The following UTP14C variants were observed in gnomAD, a reference collection of about 807,000 sequenced individuals.
UTP14C encodes UTP14C small subunit processome component, also known as U3 small nucleolar RNA-associated protein 14 homolog C.
UTP14C carries 10 observed loss-of-function variants against 14.6 expected under a neutral mutation model. The ratio of observed to expected loss-of-function variants is 0.68; its 90% CI spans 0.42 to 1.16. The LOEUF is 1.16. Ranked by LOEUF, UTP14C falls within the 50% of genes most tolerant of loss-of-function variation. The pLI, the probability that UTP14C is intolerant of heterozygous loss-of-function variation, is 0.00. For synonymous variants in UTP14C, 315 were observed against 331.6 expected, an observed-to-expected ratio of 0.95 and a Z score of 0.54; for missense variants, 818 against 890.8, an observed-to-expected ratio of 0.92 and a Z score of 1.04.
At chr13:52,026,238 G>A (rs970376670) in intron 1 of UTP14C, among the ~76,000 whole-genome samples, 11 of 152,228 alleles carry the variant, frequency 7.2e-5, no homozygotes, top group Non-Finnish European at 1.6e-4. Flanking sequence ...ATAGAGGTTA[G>A]CCAGGAGAGA....
At chr13:52,026,095 G>A (rs1954237802) in intron 1 of UTP14C, among the ~76,000 whole-genome samples, 1 of 152,240 alleles carries the variant, frequency 6.6e-6, no homozygotes, top group Non-Finnish European at 1.5e-5. Context: ...GCCGTGCTGT[G>A]CCGTGTGCCA....
In UTP14C at chr13:52,029,291, GAGC is replaced by G; in HGVS notation, c.491_493del (p.Gln164del). On this transcript the variant is annotated inframe_deletion, in exon 2 of 2. Transcript: ENST00000521776. ...GCAGCTGGTTTTTCCCCTGGGGAAG[GAGC>G]AGCCAGCCATTGCTCCCATTGAACA... 2 of 1,614,186 alleles carry G rather than the reference GAGC, an allele frequency of 1.2e-6. No homozygotes were observed. Among genetic ancestry groups the G allele is most frequent in the Non-Finnish European group, 1.7e-6 (2 of 1,180,042 alleles).
rs760414709 is a variant in UTP14C, at chr13:52,030,146, G to C, written c.1342G>C (p.Asp448His). The change falls in exon 2 of 2, where the codon GAT (aspartate) becomes CAT (histidine). Residue 448 changes from aspartate to histidine, a missense_variant. By Grantham distance (81) the Asp-to-His change is moderately conservative. Transcript: ENST00000521776. ...AEPASSQETK[D>H]SSSQEVLSEL... ...GCCAGCAAGCAGTCAAGAAACAAAA[G>C]ATTCTAGCAGCCAGGAGGTGCTGTC... The C allele has an allele frequency of 1.2e-6, 2 of 1,614,092 alleles. No individual in the cohort carries two copies.
At position 52,030,133 on chromosome 13, in the gene UTP14C, T is replaced by G; in HGVS notation, c.1329T>G (p.Ser443Arg). 1 of 1,614,134 alleles carries G rather than the reference T, an allele frequency of 6.2e-7. No individual in the cohort carries two copies. Among genetic ancestry groups the G allele is most frequent in the Non-Finnish European group, 8.5e-7 (1 of 1,180,028 alleles). ...ACCAGGATGCTGAGCCAGCAAGCAG[T>G]CAAGAAACAAAAGATTCTAGCAGCC... ...ELNQDAEPAS[S>R]QETKDSSSQE... is the part of the protein sequence containing the mutation. Residue 443 changes from serine (S) to arginine (R), a missense_variant, in exon 2 of 2, where the codon AGT (serine) becomes AGG (arginine). Coordinates refer to ENST00000521776, the MANE Select transcript of UTP14C (RefSeq NM_021645.6).
In UTP14C at chr13:52,029,674, G is replaced by T. The variant is rs779303076; in HGVS notation, c.870G>T (p.Met290Ile). 39 of 1,614,116 alleles carry T rather than the reference G, an allele frequency of 2.4e-5. No individual in the cohort carries two copies. The highest frequency in any genetic ancestry group is 3.1e-5 in the Non-Finnish European group (37 of 1,180,050). Reference sequence around the variant, plus strand: ...TGGAAAAAATTGAAAATGCCAGAATGATGGAAAGAATGAGCCTTAAGCACC... The same window carrying T: ...TGGAAAAAATTGAAAATGCCAGAATTATGGAAAGAATGAGCCTTAAGCACC... The part of the protein sequence containing the change: ...EEMEKIENAR[M>I]MERMSLKHQN... The change falls in exon 2 of 2, where the codon ATG becomes ATT. Residue 290 changes from methionine to isoleucine, a missense_variant. By Grantham distance (10) the Met-to-Ile change is conservative (BLOSUM62 1). Transcript: ENST00000521776.
At position 52,029,196 on chromosome 13, in the gene UTP14C, TA is replaced by T; in HGVS notation, c.393del (p.Ala132HisfsTer17). On this transcript the variant is annotated frameshift_variant, in exon 2 of 2. Transcript: ENST00000521776. LOFTEE classifies it low-confidence loss of function (END_TRUNC). ...KEKIEQIHRE[V>X]AFSKTSQVLS... is the part of the protein sequence containing the mutation. ...AAAATTGAACAGATCCACAGAGAAG[TA>T]GCATTCAGTAAAACCTCACAGGTCC... The T allele has an allele frequency of 3.1e-6, 5 of 1,614,036 alleles. No homozygotes were observed. Among genetic ancestry groups the T allele is most frequent in the Non-Finnish European group, 4.2e-6 (5 of 1,180,018 alleles).
In UTP14C at chr13:52,033,007, GAA is replaced by G. The variant is rs1019757182; in HGVS notation, c.*1906_*1907del. On this transcript the variant is annotated 3_prime_UTR_variant, in exon 2 of 2. Transcript: ENST00000521776. ...TATTCCTGAGGATGTAGTGAAGGAA[GAA>G]AAAGTTTTCTGGAATTCCGTAAATT... is the stretch of plus-strand genomic sequence containing the variant. 1.2e-5 allele frequency: 2 copies of G among 167,014 alleles called. No homozygotes were observed. The highest frequency in any genetic ancestry group is 4.8e-5 in the African/African-American group (2 of 41,428). The allele number at this position is 167,014 out of a possible 1,614,324, so 10.3% of individuals were successfully genotyped here.
chr13:52,029,466 T>C lies in UTP14C; in HGVS notation c.662T>C (p.Met221Thr), dbSNP rs780096946. 2 of 1,614,160 alleles carry C rather than the reference T, an allele frequency of 1.2e-6. No individual in the cohort carries two copies. Among genetic ancestry groups the C allele is most frequent in the South Asian group, 1.1e-5 (1 of 91,082 alleles). Residue 221 changes from methionine to threonine, a missense_variant, in exon 2 of 2, where the codon ATG becomes ACG. Transcript: ENST00000521776. ...GCCATGAGCCTGGAAGAGGCAAAGA[T>C]GCACCGAGCAGAGCTTCAGAGGGCT... ...LQAMSLEEAKMHRAELQRARA... is the reference protein window; with the variant it reads ...LQAMSLEEAKTHRAELQRARA...
Position 52,029,832 on chromosome 13 carries a change from A to G in UTP14C, c.1028A>G (p.Glu343Gly), listed in dbSNP as rs764376673. Reference protein sequence around the residue: ...TQKLQVASESEEEEGGTEVEE... With the variant: ...TQKLQVASESGEEEGGTEVEE... ...AAACTCCAGGTAGCCTCTGAGAGTGAGGAAGAGGAGGGAGGCACAGAAGTG... is the reference window on the plus strand; with the variant it reads ...AAACTCCAGGTAGCCTCTGAGAGTGGGGAAGAGGAGGGAGGCACAGAAGTG... Residue 343 changes from glutamate (E) to glycine (G), a missense_variant, in exon 2 of 2, where the codon GAG becomes GGG. Physicochemically the swap from Glu to Gly is moderately conservative, Grantham distance 98. Transcript: ENST00000521776. The G allele has an allele frequency of 9.3e-6, 15 of 1,614,102 alleles. No homozygotes were observed. The Admixed American group carries it at 2.3e-4, about 25-fold the overall frequency.
In UTP14C at chr13:52,031,091, G is replaced by T. The variant is rs1232564995; in HGVS notation, c.2287G>T (p.Glu763Ter). ...PKRITTRHNKEEKL is the reference protein window; with the variant it reads ...PKRITTRHNK Reference sequence around the variant, plus strand: ...ACGAATCACCACACGTCACAATAAAGAAGAAAAACTGTAGGTTGTGTAGCT... The same window carrying T: ...ACGAATCACCACACGTCACAATAAATAAGAAAAACTGTAGGTTGTGTAGCT... The change falls in exon 2 of 2, where the codon GAA (glutamate) becomes TAA (stop). Residue 763 changes from glutamate to a stop codon, truncating the protein, a stop_gained. Transcript: ENST00000521776. LOFTEE classifies it high-confidence loss of function. 6.2e-7 allele frequency: 1 copy of T among 1,610,154 alleles called. No homozygotes were observed. Among genetic ancestry groups the T allele is most frequent in the South Asian group, 1.1e-5 (1 of 90,722 alleles).
Position 52,028,868 on chromosome 13 carries a change from C to T in UTP14C, c.64C>T (p.Pro22Ser), listed in dbSNP as rs906241379. Residue 22 changes from proline to serine, a missense_variant, in exon 2 of 2, where the codon CCA (proline) becomes TCA (serine). Transcript: ENST00000521776. ...CCACCAGGAAGAACTAGTGGATTTGCCAAAAAACTACCCCTTGAGTGAAAA... is the reference window on the plus strand; with the variant it reads ...CCACCAGGAAGAACTAGTGGATTTGTCAAAAAACTACCCCTTGAGTGAAAA... ...LSHQEELVDLPKNYPLSENED... is the reference protein window; with the variant it reads ...LSHQEELVDLSKNYPLSENED... 1.9e-6 allele frequency: 3 copies of T among 1,614,004 alleles called. No homozygotes were observed. Among genetic ancestry groups the T allele is most frequent in the Non-Finnish European group, 8.5e-7 (1 of 1,180,026 alleles).
Position 52,029,081 on chromosome 13 carries a change from G to A in UTP14C, c.277G>A (p.Val93Ile), listed in dbSNP as rs545278962. 2.7e-4 allele frequency: 440 copies of A among 1,614,238 alleles called. 1 individual carries two copies. In the South Asian group the frequency reaches 4.0e-3, roughly 15 times the overall value. Residue 93 changes from valine (V) to isoleucine (I), a missense_variant, in exon 2 of 2, where the codon GTT (valine) becomes ATT (isoleucine). Transcript: ENST00000521776. Reference sequence around the variant, plus strand: ...GGGCCTTGCAGATCTGCTTGAGCCCGTTAAAACTTCATCTTCTTTGGCCAC... The same window carrying A: ...GGGCCTTGCAGATCTGCTTGAGCCCATTAAAACTTCATCTTCTTTGGCCAC... ...KLGLADLLEP[V>I]KTSSSLATVK...
In UTP14C at chr13:52,031,251, CCATT is replaced by C; in HGVS notation, c.*147_*150del. ...TTTTTTAAAAAAAGAAAATGGATGA[CCATT>C]AATTGACTAGCATTTTAGAATTGAT... On this transcript the variant is annotated 3_prime_UTR_variant, in exon 2 of 2. Coordinates refer to ENST00000521776, the MANE Select transcript of UTP14C (RefSeq NM_021645.6). The C allele has an allele frequency of 1.7e-6, 2 of 1,194,746 alleles. No homozygotes were observed. The highest frequency in any genetic ancestry group is 2.3e-6 in the Non-Finnish European group (2 of 869,838). 74.0% of individuals were successfully genotyped at this position (1,194,746 alleles called of 1,614,324 possible). A position where few individuals can be genotyped will look rare whatever the true frequency, so the allele number is the denominator to read the frequency against.
At position 52,028,334 on chromosome 13, in the gene UTP14C, T is replaced by C; in HGVS notation, c.-471T>C. On this transcript the variant is annotated 5_prime_UTR_variant, in exon 2 of 2. An upstream start codon of the reference 5' UTR is lost. Coordinates refer to ENST00000521776, the MANE Select transcript of UTP14C (RefSeq NM_021645.6). ...TTTTTCTCAGGAGTTGTGGAGTGTA[T>C]GGCAGCTGGCACAATTATCCTTGCA... 6.2e-7 allele frequency: 1 copy of C among 1,614,178 alleles called. No homozygotes were observed. Among genetic ancestry groups the C allele is most frequent in the Non-Finnish European group, 8.5e-7 (1 of 1,180,028 alleles).
In UTP14C at chr13:52,028,906, G is replaced by T; in HGVS notation, c.102G>T (p.Gly34=). The T allele has an allele frequency of 6.2e-7, 1 of 1,614,166 alleles. No homozygotes were observed. The highest frequency in any genetic ancestry group is 8.5e-7 in the Non-Finnish European group (1 of 1,180,032). ...CCTTGAGTGAAAATGAAGATGAGGG[G>T]GACAGTGATGGAGAGAGAAAGCATC... ...NYPLSENEDE[G]DSDGERKHQK... Residue 34 remains glycine (G), a synonymous_variant, in exon 2 of 2, where the codon GGG becomes GGT. Coordinates refer to ENST00000521776, the MANE Select transcript of UTP14C (RefSeq NM_021645.6).
At position 52,028,317 on chromosome 13, in the gene UTP14C, A is replaced by C. The variant is rs1954261465; in HGVS notation, c.-486-2A>C. ...TTACATGATTTGTGTTTTTTTTCTC[A>C]GGAGTTGTGGAGTGTATGGCAGCTG... On this transcript the variant is annotated splice_acceptor_variant, in intron 1 of 1. Coordinates refer to ENST00000521776, the MANE Select transcript of UTP14C (RefSeq NM_021645.6). LOFTEE classifies it low-confidence loss of function (5UTR_SPLICE). The C allele has an allele frequency of 6.2e-7, 1 of 1,613,748 alleles. No individual in the cohort carries two copies. Among genetic ancestry groups the C allele is most frequent in the African/African-American group, 1.3e-5 (1 of 74,836 alleles).
intron 1 of UTP14C, among the ~76,000 whole-genome samples, chr13:52,025,627 T>A (rs550699505): frequency 4.0e-4 from 61 of 152,354 alleles, no homozygotes; most frequent in African/African-American, 1.4e-3. Flanking sequence ...TAAATCTCCT[T>A]GCACTTTAGC....
chr13:52,027,451 G>A (rs562474322), intron 1 of UTP14C, among the ~76,000 whole-genome samples: 1 of 152,148 alleles, frequency 6.6e-6, no homozygotes, highest in Non-Finnish European at 1.5e-5. Context: ...GTTCTGCAGG[G>A]ATTTCACCAG....
rs1954321261 is a variant in UTP14C, at chr13:52,033,106, T to C, written c.*2001T>C. The C allele has an allele frequency of 1.2e-5, 2 of 167,132 alleles. No homozygotes were observed. Among genetic ancestry groups the C allele is most frequent in the Admixed American group, 1.3e-4 (2 of 15,288 alleles). 10.4% of individuals were successfully genotyped at this position (167,132 alleles called of 1,614,324 possible). On this transcript the variant is annotated 3_prime_UTR_variant, in exon 2 of 2. Transcript: ENST00000521776. Reference sequence around the variant, plus strand: ...ATATCATTGGAAGATATAATTTGCATATATGTTCATTATCAGTGTTCCTAA... The same window carrying C: ...ATATCATTGGAAGATATAATTTGCACATATGTTCATTATCAGTGTTCCTAA...
Sources: gnomAD v4.1 joint callset for allele counts (sites outside exome capture counted in the v4.1 genomes callset) on GRCh38, gnomAD v4.1.1 for gene constraint, MANE v1.5 for transcripts, NCBI Gene and HGNC (gene_info 2026-07-23, HGNC 2026-07-21) for gene names.